The following ADGRL3 variants were observed in gnomAD, a reference collection of about 807,000 sequenced individuals.
ADGRL3 encodes the protein calcium-independent alpha-latrotoxin receptor 3.
ADGRL3 carries 62 observed loss-of-function variants against 153.5 expected under a neutral mutation model. The observed-to-expected ratio is 0.40, with a 90% CI of 0.33 to 0.50. ADGRL3 has a LOEUF of 0.50. Ranked by LOEUF, ADGRL3 falls within the 20% of genes least tolerant of loss-of-function variation. The pLI, the probability that ADGRL3 is intolerant of heterozygous loss-of-function variation, is 0.47. For missense variants in ADGRL3, 1,641 were observed against 1,859.4 expected (o/e 0.88, Z 2.16); for synonymous variants, 710 against 672.5 (o/e 1.06, Z -0.86).
chr4:61,233,490 G>C (rs1751606087), intron 1 of ADGRL3, among the ~76,000 whole-genome samples: 1 of 152,112 alleles, frequency 6.6e-6, no homozygotes. Flanking sequence ...GATTGAGTGG[G>C]AGGCATAGAA....
intron 17 of ADGRL3, among the ~76,000 whole-genome samples, chr4:61,954,478 A>C (rs151139458): frequency 6.6e-6 from 1 of 152,020 alleles, no homozygotes; most frequent in Non-Finnish European, 1.5e-5. Context: ...TCACTCCTCA[A>C]ATTTATTCCC....
chr4:61,330,954 A>AT (rs1261543330), intron 1 of ADGRL3, among the ~76,000 whole-genome samples: 2 of 152,154 alleles, frequency 1.3e-5, no homozygotes, highest in African/African-American at 4.8e-5. Context: ...ATGTGAGTCA[A>AT]TTTCATAAAT....
intron 1 of ADGRL3, among the ~76,000 whole-genome samples, chr4:61,235,742 T>G (rs2149253417): frequency 6.6e-6 from 1 of 152,290 alleles, no homozygotes; most frequent in Admixed American, 6.5e-5. Context: ...ATGGAAGCCA[T>G]TAAGTATTTG....
At chr4:61,406,664 T>C (rs941300203) in intron 2 of ADGRL3, among the ~76,000 whole-genome samples, 5 of 152,000 alleles carry the variant, frequency 3.3e-5, no homozygotes, top group Admixed American at 6.6e-5. Context: ...TAATAAATCA[T>C]TGGAGTTATT....
intron 8 of ADGRL3, among the ~76,000 whole-genome samples, chr4:61,762,711 T>C (rs930473411): frequency 9.9e-5 from 15 of 152,152 alleles, no homozygotes; most frequent in Middle Eastern, 3.2e-3. Context: ...CAGGAAATTA[T>C]TTTGCTAAGA....
intron 2 of ADGRL3, among the ~76,000 whole-genome samples, chr4:61,442,231 C>A (rs1015959767): frequency 6.6e-6 from 1 of 152,044 alleles, no homozygotes; most frequent in African/African-American, 2.4e-5. Context: ...CTAAGTTGAA[C>A]CCTGAGGCAT....
chr4:61,512,783 G>C (rs1021010506), intron 3 of ADGRL3, among the ~76,000 whole-genome samples: 2 of 152,070 alleles, frequency 1.3e-5, no homozygotes, highest in African/African-American at 4.8e-5. Context: ...TAGGGGAAAG[G>C]ATTTCCTACT....
At chr4:61,465,429 C>A (rs1377673363) in intron 2 of ADGRL3, among the ~76,000 whole-genome samples, 1 of 151,968 alleles carries the variant, frequency 6.6e-6, no homozygotes, top group Non-Finnish European at 1.5e-5. Flanking sequence ...TTACTCAACT[C>A]CAACACAATA....
chr4:61,247,952 C>A (rs569926346), intron 1 of ADGRL3, among the ~76,000 whole-genome samples: 1 of 152,108 alleles, frequency 6.6e-6, no homozygotes, highest in African/African-American at 2.4e-5. Flanking sequence ...CATGAATCCC[C>A]AATTTATACT....
intron 25 of ADGRL3, among the ~76,000 whole-genome samples, chr4:62,053,950 C>T (rs1294051158): frequency 6.6e-6 from 1 of 151,228 alleles, no homozygotes; most frequent in East Asian, 1.9e-4. Flanking sequence ...TTCATTTGTT[C>T]TGCATTTTGT....
At chr4:61,348,243 C>T (rs1482846746) in intron 1 of ADGRL3, among the ~76,000 whole-genome samples, 2 of 151,676 alleles carry the variant, frequency 1.3e-5, no homozygotes, top group Admixed American at 1.3e-4. Flanking sequence ...GATTATTTTC[C>T]TTTGTAGTTG....
chr4:61,824,209 TCTA>T (rs2097780670), intron 9 of ADGRL3, among the ~76,000 whole-genome samples: 1 of 152,188 alleles, frequency 6.6e-6, no homozygotes, highest in Non-Finnish European at 1.5e-5. Context: ...TGAAGACATA[TCTA>T]CTATTTACTC....
chr4:61,636,564 A>T (rs898820452), intron 5 of ADGRL3, among the ~76,000 whole-genome samples: 29 of 152,042 alleles, frequency 1.9e-4, no homozygotes, highest in African/African-American at 6.5e-4. Flanking sequence ...AAAAAGCTAA[A>T]TTTTTCTCTA....
At chr4:61,840,813 T>C (rs1015852085) in intron 9 of ADGRL3, among the ~76,000 whole-genome samples, 2 of 152,150 alleles carry the variant, frequency 1.3e-5, no homozygotes, top group Non-Finnish European at 2.9e-5. Context: ...TTCTGAATGA[T>C]TTATCAAAAC....
chr4:61,985,569 C>T (rs531884413), intron 19 of ADGRL3, among the ~76,000 whole-genome samples: 3 of 152,152 alleles, frequency 2.0e-5, no homozygotes, highest in African/African-American at 4.8e-5. Context: ...GACTTTCCAC[C>T]GGCAATCAGC....
At chr4:61,709,338 T>A (rs936726118) in intron 6 of ADGRL3, among the ~76,000 whole-genome samples, 7 of 152,222 alleles carry the variant, frequency 4.6e-5, no homozygotes, top group Non-Finnish European at 1.0e-4. Flanking sequence ...AATTATTACC[T>A]GAGTATAAGT....
At chr4:61,825,274 G>A (rs1341850616) in intron 9 of ADGRL3, among the ~76,000 whole-genome samples, 1 of 152,094 alleles carries the variant, frequency 6.6e-6, no homozygotes, top group African/African-American at 2.4e-5. Flanking sequence ...TTGCCACAGT[G>A]CCTCAGATTT....
At chr4:61,553,440 T>C (rs553505110) in intron 4 of ADGRL3, among the ~76,000 whole-genome samples, 38 of 152,320 alleles carry the variant, frequency 2.5e-4, no homozygotes, top group African/African-American at 8.9e-4. Flanking sequence ...ATAATACAAC[T>C]ATTAATTATT....
chr4:62,030,404 G>A (rs1721354223), intron 22 of ADGRL3, among the ~76,000 whole-genome samples: 1 of 151,496 alleles, frequency 6.6e-6, no homozygotes, highest in Admixed American at 6.6e-5. Context: ...GGGCTTATTA[G>A]TGTATAGCGA....
Sources: gnomAD v4.1 joint callset for allele counts (sites outside exome capture counted in the v4.1 genomes callset) on GRCh38, gnomAD v4.1.1 for gene constraint, MANE v1.5 for transcripts, NCBI Gene and HGNC (gene_info 2026-07-23, HGNC 2026-07-21) for gene names.